The following MICU2 variants were observed in gnomAD, a reference collection of about 807,000 sequenced individuals.
MICU2 encodes the protein mitochondrial calcium uptake 2.
A neutral mutation model predicts 60.4 loss-of-function variants in MICU2; 64 were observed. That is an observed-to-expected ratio of 1.06 (90% confidence interval 0.87 to 1.31). The LOEUF (loss-of-function observed/expected upper bound fraction) is 1.31. MICU2 is among the 50% of genes most tolerant of loss of function. The probability of loss-of-function intolerance (pLI) is 0.00; values close to 1 mark genes in which losing one functional copy is unlikely to be tolerated. For synonymous variants in MICU2, 201 were observed against 175.0 expected (o/e 1.15, Z -1.17); for missense variants, 569 against 531.0 (o/e 1.07, Z -0.70).
rs1888887072 is a variant in MICU2 at position 21,603,865 on chromosome 13, A to C, written c.210+74T>G. Reference sequence around the variant, plus strand: ...GCTCCGGGAGAGCCGCCCAGAGCCAAACCACTCCCCGCCTAAGGGCGTCAG... The same window carrying C: ...GCTCCGGGAGAGCCGCCCAGAGCCACACCACTCCCCGCCTAAGGGCGTCAG... On this transcript the variant is annotated intron_variant, in intron 1 of 11. Coordinates refer to ENST00000382374, the MANE Select transcript of MICU2 (RefSeq NM_152726.3). The C allele has an allele frequency of 4.5e-6, 7 of 1,542,092 alleles. 1 individual carries two copies. Among genetic ancestry groups the C allele is most frequent in the South Asian group, 3.5e-5 (3 of 86,436 alleles).
At chr13:21,595,033 C>T (rs1465381410) in intron 1 of MICU2, among the ~76,000 whole-genome samples, 1 of 151,832 alleles carries the variant, frequency 6.6e-6, no homozygotes, top group Admixed American at 6.6e-5. Flanking sequence ...CAACTAAAGA[C>T]AAAATTAGAA....
chr13:21,524,377 C>T (rs1312231397), intron 4 of MICU2, among the ~76,000 whole-genome samples: 1 of 152,106 alleles, frequency 6.6e-6, no homozygotes, highest in African/African-American at 2.4e-5. Context: ...ACAAAACCCA[C>T]ATATACATAT....
intron 2 of MICU2, among the ~76,000 whole-genome samples, chr13:21,542,780 G>C (rs1373860263): frequency 6.6e-6 from 1 of 152,134 alleles, no homozygotes; most frequent in Admixed American, 6.6e-5. Flanking sequence ...ATTTACAGAG[G>C]ATTTATGAAG....
intron 1 of MICU2, among the ~76,000 whole-genome samples, chr13:21,587,540 C>A (rs1003549135): frequency 9.2e-5 from 14 of 152,168 alleles, no homozygotes; most frequent in African/African-American, 2.9e-4. Context: ...AAGGAAGATT[C>A]TGGAGATAGC....
intron 1 of MICU2, among the ~76,000 whole-genome samples, chr13:21,569,781 C>G (rs1888066788): frequency 6.6e-6 from 1 of 150,748 alleles, no homozygotes; most frequent in Non-Finnish European, 1.5e-5. Context: ...CCACAATGCC[C>G]TTAATAGTAG....
intron 6 of MICU2, among the ~76,000 whole-genome samples, chr13:21,516,992 C>A (rs555003762): frequency 6.6e-6 from 1 of 152,292 alleles, no homozygotes; most frequent in East Asian, 1.9e-4. Flanking sequence ...GCACATGTAC[C>A]ATTGATCAAG....
At chr13:21,554,772 C>T (rs894148207) in intron 2 of MICU2, among the ~76,000 whole-genome samples, 7 of 151,818 alleles carry the variant, frequency 4.6e-5, no homozygotes, top group South Asian at 2.1e-4. Flanking sequence ...ATTGATAGAC[C>T]GCTAGCAAGA....
chr13:21,515,611 T>C lies in MICU2; in HGVS notation c.598-1193A>G, dbSNP rs1290467833. Reference sequence around the variant, plus strand: ...AAGAAAGCATTTTAAAAGAATCAGATGTAGACAAAATCCCAAACTATGGAT... The same window carrying C: ...AAGAAAGCATTTTAAAAGAATCAGACGTAGACAAAATCCCAAACTATGGAT... On this transcript the variant is annotated intron_variant, in intron 6 of 11. Transcript: ENST00000382374. 3 of 423,482 alleles carry C rather than the reference T, an allele frequency of 7.1e-6. No individual in the cohort carries two copies. The Admixed American group carries it at 8.1e-5, about 11-fold the overall frequency. The allele number at this position is 423,482 out of a possible 1,614,324, so 26.2% of individuals were successfully genotyped here.
intron 4 of MICU2, among the ~76,000 whole-genome samples, chr13:21,537,519 GA>G (rs1887162269): frequency 6.7e-6 from 1 of 149,976 alleles, no homozygotes. Context: ...GCCCAGGCTG[GA>G]GTGTAATGGC....
Position 21,493,015 on chromosome 13 carries a change from C to G in MICU2, c.*234G>C, listed in dbSNP as rs1478676806. ...CTAAGTTTTCCATCTTACCGAAGTA[C>G]AAAACATTATTTCAAATCTAGGCCT... On this transcript the variant is annotated 3_prime_UTR_variant, in exon 12 of 12. Coordinates refer to ENST00000382374, the MANE Select transcript of MICU2 (RefSeq NM_152726.3). The G allele has an allele frequency of 3.4e-6, 1 of 296,096 alleles. No homozygotes were observed. The highest frequency in any genetic ancestry group is 6.2e-6 in the Non-Finnish European group (1 of 161,160). The allele number at this position is 296,096 out of a possible 1,614,324, so 18.3% of individuals were successfully genotyped here.
At chr13:21,537,271 C>G (rs574264389) in intron 4 of MICU2, among the ~76,000 whole-genome samples, 2 of 152,272 alleles carry the variant, frequency 1.3e-5, no homozygotes, top group African/African-American at 4.8e-5. Context: ...CTAGCAAATC[C>G]TAACTGTCCA....
At chr13:21,587,421 A>T (rs1288144952) in intron 1 of MICU2, among the ~76,000 whole-genome samples, 1 of 152,232 alleles carries the variant, frequency 6.6e-6, no homozygotes, top group Non-Finnish European at 1.5e-5. Context: ...GTAGAAATCT[A>T]ATTTGTTTAC....
rs1888894609 is a variant in MICU2 at position 21,603,981 on chromosome 13, G to C, written c.168C>G (p.Val56=). The part of the protein sequence containing the change: ...GAGAAWHHSR[V]SVAARDGSFT... ...AACTGCCATCCCGCGCCGCAACACT[G>C]ACGCGGCTGTGGTGCCAGGCCGCTC... is the stretch of plus-strand genomic sequence containing the variant. Residue 56 remains valine (V), a synonymous_variant, in exon 1 of 12, where the codon GTC becomes GTG. Transcript: ENST00000382374. 6.2e-7 allele frequency: 1 copy of C among 1,612,212 alleles called. No individual in the cohort carries two copies. Among genetic ancestry groups the C allele is most frequent in the Non-Finnish European group, 8.5e-7 (1 of 1,179,626 alleles).
At chr13:21,504,816 A>G (rs1394079497) in intron 8 of MICU2, among the ~76,000 whole-genome samples, 5 of 152,166 alleles carry the variant, frequency 3.3e-5, no homozygotes, top group African/African-American at 9.7e-5. Context: ...GGAGCTTGAC[A>G]TTGGCATGGT....
At chr13:21,575,965 G>C (rs1299528750) in intron 1 of MICU2, among the ~76,000 whole-genome samples, 2 of 152,064 alleles carry the variant, frequency 1.3e-5, no homozygotes, top group Non-Finnish European at 2.9e-5. Flanking sequence ...TGTCTCCCAT[G>C]ACCAACCATC....
At chr13:21,537,642 T>G (rs554758464) in intron 4 of MICU2, among the ~76,000 whole-genome samples, 21 of 152,170 alleles carry the variant, frequency 1.4e-4, no homozygotes, top group African/African-American at 5.1e-4. Flanking sequence ...GCTAATTTTT[T>G]GTGTTTTTAG....
chr13:21,582,560 A>AAT (rs1488660253), intron 1 of MICU2, among the ~76,000 whole-genome samples: 1 of 152,220 alleles, frequency 6.6e-6, no homozygotes, highest in Non-Finnish European at 1.5e-5. Context: ...CTCTTCAAAG[A>AAT]ATATGTACGT....
At chr13:21,547,167 A>G (rs1240660107) in intron 2 of MICU2, among the ~76,000 whole-genome samples, 1 of 152,146 alleles carries the variant, frequency 6.6e-6, no homozygotes, top group Non-Finnish European at 1.5e-5. Context: ...AGAAGTCTCT[A>G]CTGCACATGC....
rs71093338 is a variant in MICU2 at position 21,593,571 on chromosome 13, CAAA to C, written c.210+10365_210+10367del. Among the ~76,000 whole-genome samples, 9 of 63,036 alleles carry C rather than the reference CAAA, an allele frequency of 1.4e-4. No individual in the cohort carries two copies. In the South Asian group the frequency reaches 7.8e-3, roughly 55 times the overall value. The allele number at this position is 63,036 out of a possible 152,430, so 41.4% of individuals were successfully genotyped here. On this transcript the variant is annotated intron_variant, in intron 1 of 11. Transcript: ENST00000382374. The stretch of plus-strand genomic sequence containing the variant: ...CCCATATTGCAAAGACAATCCTAAG[CAAA>C]AAAAAAAAAAAAAAAAAAAACAAAG...
Sources: gnomAD v4.1 joint callset for allele counts (sites outside exome capture counted in the v4.1 genomes callset) on GRCh38, gnomAD v4.1.1 for gene constraint, MANE v1.5 for transcripts, NCBI Gene and HGNC (gene_info 2026-07-23, HGNC 2026-07-21) for gene names.